RAB3IL1: variants seen among roughly 807,000 people sequenced by gnomAD.
RAB3IL1 encodes the protein guanine nucleotide exchange factor for Rab-3A.
In RAB3IL1, 37 loss-of-function variants were observed where a neutral mutation model predicts 49.2. That is an observed-to-expected ratio of 0.75 (90% CI 0.58 to 0.99). The LOEUF (loss-of-function observed/expected upper bound fraction) is 0.99. Ranked by LOEUF, RAB3IL1 falls within the 50% of genes least tolerant of loss-of-function variation. RAB3IL1 has a pLI of 0.00. For synonymous variants in RAB3IL1, 193 were observed against 213.9 expected, an observed-to-expected ratio of 0.90 and a Z score of 0.85; for missense variants, 484 against 513.0, an observed-to-expected ratio of 0.94 and a Z score of 0.55.
chr11:61,942,981 G>GT, the RAB3IL1 span, among the ~76,000 whole-genome samples: 36 of 152,256 alleles, frequency 2.4e-4, no homozygotes, highest in African/African-American at 8.4e-4. Flanking sequence ...TTCCAACTGC[G>GT]TTTTTTGCAG....
intron 1 of RAB3IL1, 37 bp downstream of exon 1, chr11:61,917,320 A>T: frequency 7.5e-7 from 1 of 1,341,128 alleles, no homozygotes; most frequent in Non-Finnish European, 9.6e-7. Context: ...ACCGCGGCCC[A>T]GACCCAGCGC....
At chr11:61,918,531 C>T (rs534945847), upstream of RAB3IL1, among the ~76,000 whole-genome samples, 1 of 152,348 alleles carries the variant, frequency 6.6e-6, no homozygotes, top group African/African-American at 2.4e-5. Flanking sequence ...TACATTCAGC[C>T]ACTCCATCTG....
Position 61,898,790 on chromosome 11 carries a change from T to A in RAB3IL1, c.1067-430A>T, listed in dbSNP as rs1736175380. ...TGTCAACACCCAGCATGCCTTGGCC[T>A]TGGCCTCCAAGAGGACTTGACCCCC... On this transcript the variant is annotated intron_variant, in intron 9 of 9. Coordinates refer to ENST00000394836, the MANE Select transcript of RAB3IL1 (RefSeq NM_013401.4). The surrounding 1 kb of genome is among the most constrained non-coding windows in gnomAD (Gnocchi z 5.1). 2 of 470,186 alleles carry A rather than the reference T, an allele frequency of 4.3e-6. No individual in the cohort carries two copies. Among genetic ancestry groups the A allele is most frequent in the Non-Finnish European group, 4.2e-6 (1 of 236,818 alleles). The allele number at this position is 470,186 out of a possible 1,614,324, so 29.1% of individuals were successfully genotyped here. A position where few individuals can be genotyped will look rare whatever the true frequency, so the allele number is the denominator to read the frequency against.
At position 61,898,233 on chromosome 11, in the gene RAB3IL1, G is replaced by C. The variant is rs554273759; in HGVS notation, c.*45C>G. On this transcript the variant is annotated 3_prime_UTR_variant, in exon 10 of 10. Transcript: ENST00000394836. The surrounding 1 kb of genome is among the most constrained non-coding windows in gnomAD (Gnocchi z 5.1). Reference sequence around the variant, plus strand: ...TGTGTGTCGGCTTGTTCTGGGGTGGGTGTTTGCTCTGTCTCAGAGCTCCCC... The same window carrying C: ...TGTGTGTCGGCTTGTTCTGGGGTGGCTGTTTGCTCTGTCTCAGAGCTCCCC... The C allele has an allele frequency of 2.6e-6, 4 of 1,563,294 alleles. No individual in the cohort carries two copies. Among genetic ancestry groups the C allele is most frequent in the Admixed American group, 1.7e-5 (1 of 59,766 alleles).
chr11:61,900,245 C>T (rs1023664612), intron 8 of RAB3IL1, among the ~76,000 whole-genome samples: 2 of 152,242 alleles, frequency 1.3e-5, no homozygotes, highest in Non-Finnish European at 1.5e-5. Context: ...CGTCCCTTCC[C>T]TCATTCTCCT....
intron 1 of RAB3IL1, among the ~76,000 whole-genome samples, chr11:61,908,564 G>A (rs1939321751): frequency 6.6e-6 from 1 of 152,218 alleles, no homozygotes. Context: ...TTTGGCACAT[G>A]CAGTAGGTGC....
rs1433806394 is a variant in RAB3IL1, at chr11:61,917,445, G to C, written c.-78C>G. On this transcript the variant is annotated 5_prime_UTR_variant, in exon 1 of 10. Coordinates refer to ENST00000394836, the MANE Select transcript of RAB3IL1 (RefSeq NM_013401.4). ...CAGCGCCGCGTCCCCGCCCGCCGCC[G>C]ACTCCGCCAGGGGCCGAGCCGCCCC... 10 of 1,180,822 alleles carry C rather than the reference G, an allele frequency of 8.5e-6. No individual in the cohort carries two copies. In the Admixed American group the frequency reaches 4.6e-4, roughly 54 times the overall value. The allele number at this position is 1,180,822 out of a possible 1,614,324, so 73.1% of individuals were successfully genotyped here.
chr11:61,908,033 C>T, intron 2 of RAB3IL1, 21 bp downstream of exon 2: 1 of 1,596,012 alleles, frequency 6.3e-7, no homozygotes, highest in Non-Finnish European at 8.5e-7. Flanking sequence ...GAAGACCCCC[C>T]AGCCTACTGC....
chr11:61,934,446 GTATGTATATATATATATATATA>G, the RAB3IL1 span, among the ~76,000 whole-genome samples: 2,632 of 24,382 alleles, frequency 0.11, 172 homozygotes, highest in African/African-American at 0.2. Flanking sequence ...GTGTGTGTGT[GTATGTATATATATATATATATA>G]TATATATATA....
At chr11:61,910,548 G>A (rs1334185057) in intron 1 of RAB3IL1, among the ~76,000 whole-genome samples, 2 of 152,192 alleles carry the variant, frequency 1.3e-5, no homozygotes, top group African/African-American at 4.8e-5. Context: ...CTGAAATCCT[G>A]CAGGAGGTGC....
At chr11:61,905,003 C>G in intron 5 of RAB3IL1, 121 bp from the exon 6 acceptor site, 1 of 730,036 alleles carries the variant, frequency 1.4e-6, no homozygotes, top group South Asian at 1.8e-5. Flanking sequence ...GCCAGCAGGT[C>G]GATCCCCAGC....
intron 1 of RAB3IL1, among the ~76,000 whole-genome samples, chr11:61,909,122 G>A (rs1361936944): frequency 2.6e-5 from 4 of 152,194 alleles, no homozygotes; most frequent in African/African-American, 9.7e-5. Flanking sequence ...CAGCACCTCT[G>A]GACTCGCTCA....
intron 1 of RAB3IL1, among the ~76,000 whole-genome samples, chr11:61,910,006 C>T (rs112969508): frequency 2.0e-5 from 3 of 152,262 alleles, no homozygotes; most frequent in South Asian, 2.1e-4. Context: ...GGTGACAGAG[C>T]GAAACTCTGT....
At chr11:61,901,491 C>G (rs1258135712) in intron 8 of RAB3IL1, among the ~76,000 whole-genome samples, 1 of 152,224 alleles carries the variant, frequency 6.6e-6, no homozygotes, top group Non-Finnish European at 1.5e-5. Flanking sequence ...GCCCCGCACT[C>G]TAACTGGAAC....
At position 61,898,692 on chromosome 11, in the gene RAB3IL1, G is replaced by C. The variant is rs551050108; in HGVS notation, c.1067-332C>G. ...GAACTACATTAGACAAGGCACAGATGCCTCCCTGGGGTCTCACAAGGACCC... is the reference window on the plus strand; with the variant it reads ...GAACTACATTAGACAAGGCACAGATCCCTCCCTGGGGTCTCACAAGGACCC... On this transcript the variant is annotated intron_variant, in intron 9 of 9. Coordinates refer to ENST00000394836, the MANE Select transcript of RAB3IL1 (RefSeq NM_013401.4). The surrounding 1 kb of genome is among the most constrained non-coding windows in gnomAD (Gnocchi z 5.1). 6 of 477,816 alleles carry C rather than the reference G, an allele frequency of 1.3e-5. No individual in the cohort carries two copies. Among genetic ancestry groups the C allele is most frequent in the South Asian group, 1.0e-4 (6 of 59,334 alleles). The allele number at this position is 477,816 out of a possible 1,614,324, so 29.6% of individuals were successfully genotyped here.
intron 4 of RAB3IL1, among the ~76,000 whole-genome samples, chr11:61,907,132 T>A (rs1385998566): frequency 6.6e-6 from 1 of 152,164 alleles, no homozygotes; most frequent in East Asian, 1.9e-4. Context: ...GGTACAATAA[T>A]CACAGGGTCC....
At chr11:61,909,958 T>G (rs1939386245) in intron 1 of RAB3IL1, among the ~76,000 whole-genome samples, 1 of 152,124 alleles carries the variant, frequency 6.6e-6, no homozygotes, top group Non-Finnish European at 1.5e-5. Context: ...AATACAAAAA[T>G]TAGCCGGGCC....
intron 7 of RAB3IL1, among the ~76,000 whole-genome samples, chr11:61,903,539 T>C (rs1376235268): frequency 6.6e-6 from 1 of 152,020 alleles, no homozygotes; most frequent in African/African-American, 2.4e-5. Context: ...TTTTTTTTTT[T>C]TTGAGACAGG....
intron 1 of RAB3IL1, among the ~76,000 whole-genome samples, chr11:61,916,466 T>G (rs1939693513): frequency 6.6e-6 from 1 of 151,094 alleles, no homozygotes; most frequent in Non-Finnish European, 1.5e-5. Flanking sequence ...CAACCTTTGC[T>G]AGGTGCCATG....
Sources: gnomAD v4.1 joint callset for allele counts (sites outside exome capture counted in the v4.1 genomes callset) on GRCh38, gnomAD v4.1.1 for gene constraint, Gnocchi (gnomAD v3.1) non-coding constraint, MANE v1.5 for transcripts, NCBI Gene and HGNC (gene_info 2026-07-23, HGNC 2026-07-21) for gene names.